The following RFFL variants were observed in gnomAD, a reference collection of about 807,000 sequenced individuals.
RFFL encodes ring finger and FYVE like domain containing E3 ubiquitin protein ligase, also known as E3 ubiquitin-protein ligase rififylin.
In RFFL, 16 loss-of-function variants were observed where a neutral mutation model predicts 40.4. The observed-to-expected ratio is 0.40, with a 90% CI of 0.27 to 0.60. The LOEUF is 0.60. Among genes scored for constraint, RFFL ranks in the 20% least tolerant of loss-of-function variants. The probability of loss-of-function intolerance (pLI) is 0.47; values close to 1 mark genes in which losing one functional copy is unlikely to be tolerated. For synonymous variants in RFFL, 154 were observed against 167.9 expected (o/e 0.92, Z 0.64); for missense variants, 367 against 451.7 (o/e 0.81, Z 1.70).
At chr17:35,020,600 A>G (rs1390058143) in intron 3 of RFFL, among the ~76,000 whole-genome samples, 3 of 152,018 alleles carry the variant, frequency 2.0e-5, no homozygotes, top group Non-Finnish European at 4.4e-5. Context: ...GCTATAAATA[A>G]CAGAGTCACT....
intron 1 of RFFL, among the ~76,000 whole-genome samples, chr17:35,050,886 C>T (rs1394171678): frequency 2.6e-5 from 4 of 152,078 alleles, no homozygotes; most frequent in Admixed American, 2.6e-4. Context: ...GCAGGAGAAT[C>T]GCTTGAACCT....
chr17:35,039,568 A>G (rs1394980799), intron 1 of RFFL, among the ~76,000 whole-genome samples: 1 of 152,172 alleles, frequency 6.6e-6, no homozygotes, highest in Non-Finnish European at 1.5e-5. Context: ...TTTGTAAAAA[A>G]TAACAAAAAA....
chr17:35,046,887 G>A (rs148250943), intron 1 of RFFL, among the ~76,000 whole-genome samples: 18 of 152,324 alleles, frequency 1.2e-4, no homozygotes, highest in South Asian at 2.1e-4. Context: ...AGAAACCTAC[G>A]CTTTCATTTC....
At position 35,075,695 on chromosome 17, in the gene RFFL, A is replaced by C. The variant is rs761646205; in HGVS notation, c.-9+13410T>G. ...AAACCAGGATGAAAAGCATGCATGG[A>C]GAGATTTCCCTGCCTGCTCCAAATC... On this transcript the variant is annotated intron_variant, in intron 1 of 6. Coordinates refer to the RFFL transcript ENST00000315249. Among the ~76,000 whole-genome samples the C allele has an allele frequency of 5.1e-4, 78 of 152,198 alleles. 1 individual carries two copies. Among genetic ancestry groups the C allele is most frequent in the Non-Finnish European group, 1.0e-3 (69 of 68,026 alleles).
In RFFL at chr17:35,026,430, C is replaced by G; in HGVS notation, c.124G>C (p.Gly42Arg). ...CAGGACTTGCAGCTTGGTTCCAAGC[C>G]TGTTGGGGAAGGGAAGGAGCTGTAC... ...PGYSSFPSPT[G>R]LEPSCKSCGA... Residue 42 changes from glycine (G) to arginine (R), a missense_variant, in exon 2 of 7, where the codon GGC (glycine) becomes CGC (arginine). Gly to Arg is a moderately radical substitution (Grantham distance 125). Transcript: ENST00000394597. The G allele has an allele frequency of 6.2e-7, 1 of 1,613,966 alleles. No homozygotes were observed. Among genetic ancestry groups the G allele is most frequent in the South Asian group, 1.1e-5 (1 of 91,076 alleles).
chr17:35,074,186 T>C (rs2091364728), intron 1 of RFFL: 1 of 152,200 alleles, frequency 6.6e-6, no homozygotes, highest in South Asian at 2.1e-4. Flanking sequence ...TCACTACATA[T>C]GAAGTCCTGT....
At chr17:35,065,553 C>T (rs1402474738), upstream of RFFL, among the ~76,000 whole-genome samples, 13 of 139,100 alleles carry the variant, frequency 9.3e-5, no homozygotes, top group Admixed American at 2.2e-4. Context: ...AGCAAAACTT[C>T]GTCTCAAAAA....
chr17:35,035,917 G>A (rs1043652932), intron 1 of RFFL, among the ~76,000 whole-genome samples: 1 of 151,952 alleles, frequency 6.6e-6, no homozygotes, highest in Non-Finnish European at 1.5e-5. Context: ...TGGCCAGACT[G>A]GTCTTGAACT....
At chr17:35,069,906 A>C (rs1385391540) in intron 1 of RFFL, among the ~76,000 whole-genome samples, 1 of 152,152 alleles carries the variant, frequency 6.6e-6, no homozygotes, top group African/African-American at 2.4e-5. Flanking sequence ...CCAGGTCCTA[A>C]ATGCTTTAAA....
chr17:35,071,448 T>G (rs910337975), intron 1 of RFFL, among the ~76,000 whole-genome samples: 1 of 151,704 alleles, frequency 6.6e-6, no homozygotes, highest in African/African-American at 2.4e-5. Context: ...TGAAACCCTG[T>G]CTCTACTAAA....
At chr17:35,041,702 G>A (rs16970571) in intron 1 of RFFL, among the ~76,000 whole-genome samples, 2,030 of 151,760 alleles carry the variant, frequency 0.013, 49 homozygotes, top group African/African-American at 0.047. Context: ...TTTTTTTACC[G>A]CATCCAGCTA....
At chr17:35,076,305 C>T (rs775196916) in intron 1 of RFFL, among the ~76,000 whole-genome samples, 20 of 152,020 alleles carry the variant, frequency 1.3e-4, no homozygotes, top group Non-Finnish European at 1.3e-4. Flanking sequence ...TCAATTTACT[C>T]TTAAATATAT....
Position 35,010,076 on chromosome 17 carries a change from T to A in RFFL, c.*1892A>T, listed in dbSNP as rs945176485. ...TGAGGTAAGTGGCCCAGTGTTCAGTTGACTAGTTTATGCAGTTATTTCATT... is the reference window on the plus strand; with the variant it reads ...TGAGGTAAGTGGCCCAGTGTTCAGTAGACTAGTTTATGCAGTTATTTCATT... On this transcript the variant is annotated 3_prime_UTR_variant, in exon 7 of 7. Transcript: ENST00000394597. 6.6e-5 allele frequency: 10 copies of A among 151,730 alleles called. No homozygotes were observed. The highest frequency in any genetic ancestry group is 2.5e-4 in the African/African-American group (10 of 40,646). 9.4% of individuals were successfully genotyped at this position (151,730 alleles called of 1,614,324 possible). A position where few individuals can be genotyped will look rare whatever the true frequency, so the allele number is the denominator to read the frequency against.
intron 1 of RFFL, among the ~76,000 whole-genome samples, chr17:35,031,703 CCT>C: frequency 6.6e-6 from 1 of 151,904 alleles, no homozygotes; most frequent in Non-Finnish European, 1.5e-5. Context: ...TGCCGCACAT[CCT>C]ATCATGATGT....
chr17:35,055,884 A>G (rs558394486), intron 1 of RFFL, among the ~76,000 whole-genome samples: 13 of 152,198 alleles, frequency 8.5e-5, no homozygotes, highest in African/African-American at 3.1e-4. Context: ...CTGGTAAAAC[A>G]GCTGATGCCA....
intron 1 of RFFL, among the ~76,000 whole-genome samples, chr17:35,038,964 A>C (rs572254398): frequency 4.6e-5 from 7 of 152,324 alleles, no homozygotes; most frequent in East Asian, 1.9e-4. Flanking sequence ...GCTGGAGTGC[A>C]GTGTTGCGAC....
intron 2 of RFFL, among the ~76,000 whole-genome samples, chr17:35,022,322 T>C (rs1395649734): frequency 3.9e-5 from 6 of 152,206 alleles, no homozygotes; most frequent in South Asian, 2.1e-4. Flanking sequence ...AGCTAGGAAA[T>C]ATTACCTAAC....
chr17:35,026,717 C>G (rs1597817584), intron 1 of RFFL, 156 bp from the exon 2 acceptor site: 17 of 633,716 alleles, frequency 2.7e-5, no homozygotes, highest in Non-Finnish European at 4.3e-5. Flanking sequence ...TGTTTTTCTT[C>G]TTTTTGAGAT....
At chr17:35,034,776 T>C (rs2091109718) in intron 1 of RFFL, among the ~76,000 whole-genome samples, 1 of 152,090 alleles carries the variant, frequency 6.6e-6, no homozygotes, top group Admixed American at 6.6e-5. Context: ...TCCACCTGCC[T>C]TGGCCTCCCA....
Sources: gnomAD v4.1 joint callset for allele counts (sites outside exome capture counted in the v4.1 genomes callset) on GRCh38, gnomAD v4.1.1 for gene constraint, MANE v1.5 for transcripts, NCBI Gene and HGNC (gene_info 2026-07-23, HGNC 2026-07-21) for gene names.